The following UNC13B variants were observed in gnomAD, a reference collection of about 807,000 sequenced individuals.
The protein encoded by UNC13B is unc-13 homolog B.
In UNC13B, 144 loss-of-function variants were observed where a neutral mutation model predicts 211.0. That is an observed-to-expected ratio of 0.68 (90% confidence interval 0.60 to 0.78). The LOEUF is 0.78. UNC13B is among the 30% of genes least tolerant of loss of function. The pLI, the probability that UNC13B is intolerant of heterozygous loss-of-function variation, is 0.00. For synonymous variants in UNC13B, 709 were observed against 725.8 expected, an observed-to-expected ratio of 0.98 and a Z score of 0.37; for missense variants, 1,777 against 2,002.0, an observed-to-expected ratio of 0.89 and a Z score of 2.14.
In UNC13B at chr9:35,295,719, G is replaced by T. The variant is rs370449728; in HGVS notation, c.550G>T (p.Val184Phe). 3 of 1,613,918 alleles carry T rather than the reference G, an allele frequency of 1.9e-6. No homozygotes were observed. The highest frequency in any genetic ancestry group is 2.5e-6 in the Non-Finnish European group (3 of 1,180,000). Residue 184 changes from valine to phenylalanine, a missense_variant, in exon 8 of 40, where the codon GTC (valine) becomes TTC (phenylalanine). Transcript: ENST00000635942. ...AGCTTTTGAAGACCCTGATAGTGCC[G>T]TCGATGACCGAGATAGTGACTATCG... ...QCSFEDPDSAVDDRDSDYRSE... is the reference protein window; with the variant it reads ...QCSFEDPDSAFDDRDSDYRSE...
intron 1 of UNC13B, among the ~76,000 whole-genome samples, chr9:35,170,971 G>A (rs757880645): frequency 3.9e-5 from 6 of 151,974 alleles, no homozygotes; most frequent in Non-Finnish European, 7.4e-5. Flanking sequence ...ACCATACATG[G>A]CTAATTTTTG....
chr9:35,248,661 C>A (rs763544167), intron 6 of UNC13B, among the ~76,000 whole-genome samples: 4 of 152,048 alleles, frequency 2.6e-5, no homozygotes, highest in Non-Finnish European at 4.4e-5. Flanking sequence ...TGTAGTTGAG[C>A]GGTTTTGAAT....
chr9:35,162,420 G>A (rs574201828), intron 1 of UNC13B, 115 bp downstream of exon 1: 4 of 1,327,262 alleles, frequency 3.0e-6, no homozygotes, highest in South Asian at 3.0e-5. Context: ...CCGTGCTTTG[G>A]GGGTCTATTA....
chr9:35,198,710 G>A (rs1349454778), intron 1 of UNC13B, among the ~76,000 whole-genome samples: 1 of 152,124 alleles, frequency 6.6e-6, no homozygotes, highest in East Asian at 1.9e-4. Context: ...TGACCAAAAT[G>A]TTGATAGTGA....
At chr9:35,216,273 G>A (rs1824239302) in intron 1 of UNC13B, among the ~76,000 whole-genome samples, 1 of 152,144 alleles carries the variant, frequency 6.6e-6, no homozygotes, top group South Asian at 2.1e-4. Context: ...AGGATGGATT[G>A]TTCTGTATTG....
chr9:35,313,843 G>A lies in UNC13B; in HGVS notation c.9324-56G>A, dbSNP rs1038723474. On this transcript the variant is annotated intron_variant, in intron 10 of 39. Transcript: ENST00000635942. ...ACATTTGGCAGTCTTGCCTTGAGCA[G>A]TGTCACCTTGTGGCCTTGGCTATTT... 2.2e-5 allele frequency: 30 copies of A among 1,391,704 alleles called. No individual in the cohort carries two copies. The Admixed American group carries it at 4.9e-4, about 23-fold the overall frequency. 86.2% of individuals were successfully genotyped at this position (1,391,704 alleles called of 1,614,324 possible).
At chr9:35,385,343 A>G (rs1487705781) in intron 22 of UNC13B, 1 of 985,318 alleles carries the variant, frequency 1.0e-6, no homozygotes, top group African/African-American at 1.7e-5. Flanking sequence ...ATATTCCAGG[A>G]TATACAGTTA....
chr9:35,372,140 C>T (rs1206264319), intron 13 of UNC13B, among the ~76,000 whole-genome samples: 1 of 152,114 alleles, frequency 6.6e-6, no homozygotes, highest in Non-Finnish European at 1.5e-5. Flanking sequence ...GCCGTGGTGG[C>T]GAGTACCTGT....
At chr9:35,183,261 GCCCCT>G (rs1822073410) in intron 1 of UNC13B, among the ~76,000 whole-genome samples, 1 of 123,898 alleles carries the variant, frequency 8.1e-6, no homozygotes, top group African/African-American at 3.2e-5. Context: ...GGGCAGAGGA[GCCCCT>G]CACCTCCCAG....
At chr9:35,214,288 G>A (rs1485433441) in intron 1 of UNC13B, among the ~76,000 whole-genome samples, 2 of 152,158 alleles carry the variant, frequency 1.3e-5, no homozygotes, top group African/African-American at 2.4e-5. Context: ...ATAGCTGGGT[G>A]TAGTGGTGCA....
intron 7 of UNC13B, among the ~76,000 whole-genome samples, chr9:35,263,775 T>C (rs966178710): frequency 6.6e-6 from 1 of 152,204 alleles, no homozygotes; most frequent in African/African-American, 2.4e-5. Flanking sequence ...CTGATAGGGC[T>C]GGTGCCCTCA....
chr9:35,367,444 T>TACTC (rs1357102256), intron 12 of UNC13B, among the ~76,000 whole-genome samples: 9 of 152,232 alleles, frequency 5.9e-5, no homozygotes, highest in Non-Finnish European at 2.9e-5. Flanking sequence ...CAGTGTGTAA[T>TACTC]ACTCACATCA....
At chr9:35,330,945 G>A (rs1831334728) in intron 11 of UNC13B, among the ~76,000 whole-genome samples, 1 of 152,138 alleles carries the variant, frequency 6.6e-6, no homozygotes, top group African/African-American at 2.4e-5. Flanking sequence ...ACTGGCTGCG[G>A]GCCTTAGCTC....
At chr9:35,257,284 C>T (rs1187562627) in intron 6 of UNC13B, among the ~76,000 whole-genome samples, 1 of 119,074 alleles carries the variant, frequency 8.4e-6, no homozygotes, top group Non-Finnish European at 1.8e-5. Context: ...CGTGGTGAAA[C>T]CCCCATTTTT....
At chr9:35,240,100 C>G (rs537896124) in intron 5 of UNC13B, among the ~76,000 whole-genome samples, 1 of 152,086 alleles carries the variant, frequency 6.6e-6, no homozygotes, top group Non-Finnish European at 1.5e-5. Context: ...AATTTATGTT[C>G]AGAGATTGCA....
chr9:35,208,997 TTATC>T (rs1274886575), intron 1 of UNC13B, among the ~76,000 whole-genome samples: 2 of 152,206 alleles, frequency 1.3e-5, no homozygotes, highest in African/African-American at 4.8e-5. Context: ...ATGATTAAAA[TTATC>T]TATAATTTTC....
chr9:35,349,345 A>AG (rs1221810779), intron 11 of UNC13B, among the ~76,000 whole-genome samples: 2 of 139,096 alleles, frequency 1.4e-5, no homozygotes, highest in Non-Finnish European at 3.1e-5. Flanking sequence ...ATGGTTGGGG[A>AG]GGAAAAAAAA....
intron 11 of UNC13B, among the ~76,000 whole-genome samples, chr9:35,332,444 C>T (rs938537614): frequency 1.1e-4 from 16 of 152,152 alleles, no homozygotes; most frequent in Admixed American, 9.8e-4. Context: ...ACTAGTCACC[C>T]ACTCAAAATC....
chr9:35,236,619 G>T, intron 4 of UNC13B, 33 bp downstream of exon 4: 1 of 1,580,634 alleles, frequency 6.3e-7, no homozygotes, highest in Non-Finnish European at 8.7e-7. Context: ...TGGAAGTATG[G>T]TTCCCAGCCC....
Sources: allele counts gnomAD v4.1 joint callset (sites outside exome capture counted in the v4.1 genomes callset), GRCh38; gene constraint gnomAD v4.1.1; transcripts MANE v1.5; gene names NCBI Gene and HGNC (gene_info 2026-07-23, HGNC 2026-07-21).